Variants in CHCHD6 observed in about 807,000 individuals in gnomAD.
The protein encoded by CHCHD6 is coiled-coil-helix-coiled-coil-helix domain containing 6, also known as MICOS complex subunit MIC25.
A neutral mutation model predicts 32.3 loss-of-function variants in CHCHD6; 28 were observed. The observed-to-expected ratio is 0.87, with a 90% CI of 0.64 to 1.19. The LOEUF is 1.19. Among genes scored for constraint, CHCHD6 ranks in the 50% most tolerant of loss-of-function variants. The pLI is 0.00. For synonymous variants in CHCHD6, 122 were observed against 117.5 expected, an observed-to-expected ratio of 1.04 and a Z score of -0.25; for missense variants, 333 against 307.0, an observed-to-expected ratio of 1.08 and a Z score of -0.63.
At chr3:126,864,959 C>CCTCCTCCACCCT (rs1553750010) in intron 5 of CHCHD6, among the ~76,000 whole-genome samples, 1 of 150,842 alleles carries the variant, frequency 6.6e-6, no homozygotes, top group Admixed American at 6.6e-5. Context: ...ATCTCCTCCT[C>CCTCCTCCACCCT]CATCACCACC....
intron 4 of CHCHD6, among the ~76,000 whole-genome samples, chr3:126,772,316 T>C (rs1442759945): frequency 2.6e-5 from 4 of 152,204 alleles, no homozygotes; most frequent in Non-Finnish European, 5.9e-5. Flanking sequence ...TTAGCCAGGA[T>C]GGTCTTGATC....
intron 4 of CHCHD6, among the ~76,000 whole-genome samples, chr3:126,761,638 T>G (rs1937165086): frequency 6.6e-6 from 1 of 151,984 alleles, no homozygotes; most frequent in Admixed American, 6.6e-5. Context: ...TGTTGACCAG[T>G]CTGGTCTCAA....
chr3:126,922,584 A>T (rs543276807), intron 6 of CHCHD6, among the ~76,000 whole-genome samples: 1 of 152,048 alleles, frequency 6.6e-6, no homozygotes, highest in Non-Finnish European at 1.5e-5. Context: ...TGGCTGTCCC[A>T]GTGCTGGCTG....
intron 4 of CHCHD6, among the ~76,000 whole-genome samples, chr3:126,778,432 G>A (rs796814063): frequency 6.0e-4 from 91 of 152,298 alleles, no homozygotes; most frequent in African/African-American, 2.1e-3. Flanking sequence ...CTTCACCAAC[G>A]CTTGTCTTTT....
At chr3:126,755,761 G>C (rs1019851162) in intron 4 of CHCHD6, among the ~76,000 whole-genome samples, 1 of 151,986 alleles carries the variant, frequency 6.6e-6, no homozygotes, top group Non-Finnish European at 1.5e-5. Flanking sequence ...TGAAGTCAAG[G>C]CTTCTACCTT....
chr3:126,771,574 T>G (rs1937543415), intron 4 of CHCHD6, among the ~76,000 whole-genome samples: 1 of 152,198 alleles, frequency 6.6e-6, no homozygotes, highest in Non-Finnish European at 1.5e-5. Flanking sequence ...TCTTATTTAT[T>G]TTTTCAAATA....
intron 4 of CHCHD6, among the ~76,000 whole-genome samples, chr3:126,739,440 G>A (rs922967401): frequency 2.6e-5 from 4 of 152,024 alleles, no homozygotes; most frequent in Admixed American, 1.3e-4. Context: ...TTGACTGGTG[G>A]GCAAAAAACC....
intron 4 of CHCHD6, among the ~76,000 whole-genome samples, chr3:126,812,200 G>C (rs541776298): frequency 6.6e-6 from 1 of 150,654 alleles, no homozygotes; most frequent in East Asian, 1.9e-4. Context: ...AACTTATCCT[G>C]GAATGTATTT....
intron 6 of CHCHD6, among the ~76,000 whole-genome samples, chr3:126,950,895 G>A (rs1295560634): frequency 6.6e-6 from 1 of 152,214 alleles, no homozygotes; most frequent in Non-Finnish European, 1.5e-5. Flanking sequence ...GATGCAGAAA[G>A]CATTGTTGTT....
chr3:126,931,359 C>T (rs2078402733), intron 6 of CHCHD6, among the ~76,000 whole-genome samples: 1 of 152,224 alleles, frequency 6.6e-6, no homozygotes. Flanking sequence ...CCTCCTGGGC[C>T]CAGCACAGGC....
chr3:126,766,300 T>TA, intron 4 of CHCHD6: 1 of 356,142 alleles, frequency 2.8e-6, no homozygotes, highest in Non-Finnish European at 5.4e-6. Flanking sequence ...AATGGAATCT[T>TA]ATGGAGTCTA....
At chr3:126,862,293 C>T (rs1941939424) in intron 5 of CHCHD6, among the ~76,000 whole-genome samples, 1 of 138,912 alleles carries the variant, frequency 7.2e-6, no homozygotes, top group Non-Finnish European at 1.6e-5. Flanking sequence ...TCACCACCTC[C>T]TCCTCCTCCT....
intron 4 of CHCHD6, among the ~76,000 whole-genome samples, chr3:126,825,204 G>A (rs1940336363): frequency 6.6e-6 from 1 of 151,774 alleles, no homozygotes; most frequent in South Asian, 2.1e-4. Context: ...CTTCTAGTGT[G>A]GGGACTTTTA....
At chr3:126,795,745 A>G (rs763517248) in intron 4 of CHCHD6, among the ~76,000 whole-genome samples, 1 of 152,174 alleles carries the variant, frequency 6.6e-6, no homozygotes, top group Non-Finnish European at 1.5e-5. Flanking sequence ...TAGAAAAACC[A>G]GTCTAAGGTT....
chr3:126,790,541 T>G (rs936075488), intron 4 of CHCHD6, among the ~76,000 whole-genome samples: 5 of 152,218 alleles, frequency 3.3e-5, no homozygotes, highest in African/African-American at 1.2e-4. Context: ...CTTTTTTCTT[T>G]AAACTTCTCT....
chr3:126,757,481 A>G (rs988215255), intron 4 of CHCHD6, among the ~76,000 whole-genome samples: 8 of 152,198 alleles, frequency 5.3e-5, no homozygotes, highest in Admixed American at 1.3e-4. Flanking sequence ...GGCTTTGTTT[A>G]TGGTGTATAG....
intron 4 of CHCHD6, among the ~76,000 whole-genome samples, chr3:126,792,411 A>G (rs1938596612): frequency 6.6e-6 from 1 of 152,090 alleles, no homozygotes; most frequent in Non-Finnish European, 1.5e-5. Context: ...CAGGGGTGCC[A>G]GTTTCTCCAT....
chr3:126,735,292 C>T (rs913760976), intron 4 of CHCHD6, among the ~76,000 whole-genome samples: 5 of 152,182 alleles, frequency 3.3e-5, no homozygotes, highest in Non-Finnish European at 7.3e-5. Context: ...GATTGAGCGC[C>T]GCTTTCTCAG....
At chr3:126,785,084 T>G (rs969366001) in intron 4 of CHCHD6, among the ~76,000 whole-genome samples, 3 of 152,196 alleles carry the variant, frequency 2.0e-5, no homozygotes, top group Admixed American at 2.0e-4. Flanking sequence ...AATGTCATCT[T>G]GCACAACTTG....
Sources: allele counts gnomAD v4.1 joint callset (sites outside exome capture counted in the v4.1 genomes callset), GRCh38; gene constraint gnomAD v4.1.1; transcripts MANE v1.5; gene names NCBI Gene and HGNC (gene_info 2026-07-23, HGNC 2026-07-21).